KLHL31: variants seen among roughly 807,000 people sequenced by gnomAD.
KLHL31 encodes kelch like family member 31.
In KLHL31, 32 loss-of-function variants were observed where a neutral mutation model predicts 47.1. The observed-to-expected ratio is 0.68, with a 90% CI of 0.51 to 0.91. The LOEUF is 0.91. Ranked by LOEUF, KLHL31 falls within the 40% of genes least tolerant of loss-of-function variation. The pLI, the probability that KLHL31 is intolerant of heterozygous loss-of-function variation, is 0.00. For missense variants in KLHL31, 797 were observed against 819.3 expected (o/e 0.97, Z 0.33); for synonymous variants, 330 against 325.1 (o/e 1.01, Z -0.16).
chr6:53,652,420 C>A, intron 2 of KLHL31, 90 bp from the exon 3 acceptor site: 1 of 1,537,214 alleles, frequency 6.5e-7, no homozygotes. Context: ...AAGCCTGACA[C>A]TACCCCTGCA....
chr6:53,652,380 C>T (rs1218012126), intron 2 of KLHL31, 50 bp from the exon 3 acceptor site: 8 of 1,603,338 alleles, frequency 5.0e-6, no homozygotes, highest in Non-Finnish European at 6.8e-6. Context: ...CAGCTGGGGA[C>T]CCCATGTTAC....
At chr6:53,657,426 T>C (rs1561985693) in intron 1 of KLHL31, among the ~76,000 whole-genome samples, 1 of 152,166 alleles carries the variant, frequency 6.6e-6, no homozygotes, top group Non-Finnish European at 1.5e-5. Context: ...TATTCAACAA[T>C]TTTCTCTTTT....
At chr6:53,660,389 T>C (rs1310280590) in intron 1 of KLHL31, among the ~76,000 whole-genome samples, 1 of 152,172 alleles carries the variant, frequency 6.6e-6, no homozygotes, top group African/African-American at 2.4e-5. Flanking sequence ...CAAACACTTA[T>C]GTATTTATAT....
At chr6:53,655,345 G>A in intron 1 of KLHL31, 40 bp from the exon 2 acceptor site, 2 of 1,079,424 alleles carry the variant, frequency 1.9e-6, no homozygotes, top group Non-Finnish European at 2.6e-6. Context: ...TGTTTTAATT[G>A]TGCTTTAGAC....
intron 2 of KLHL31, among the ~76,000 whole-genome samples, chr6:53,653,506 T>C (rs1764506492): frequency 6.6e-6 from 1 of 152,230 alleles, no homozygotes. Context: ...ATTCCATTTT[T>C]CTGAAGGATG....
chr6:53,653,355 C>T (rs770477941), intron 2 of KLHL31, among the ~76,000 whole-genome samples: 6 of 152,192 alleles, frequency 3.9e-5, no homozygotes, highest in Non-Finnish European at 8.8e-5. Flanking sequence ...TCATGAAATA[C>T]TACACAAATT....
Position 53,651,577 on chromosome 6 carries a change from C to T in KLHL31, c.*21G>A. On this transcript the variant is annotated 3_prime_UTR_variant, in exon 3 of 3. Coordinates refer to ENST00000370905, the MANE Select transcript of KLHL31 (RefSeq NM_001003760.5). ...ACGAATAAATAACGTGTTCTTCCTG[C>T]GTCCCTGCATCTACCTGGGCTCAGA... 1.9e-6 allele frequency: 3 copies of T among 1,592,442 alleles called. No homozygotes were observed. Among genetic ancestry groups the T allele is most frequent in the South Asian group, 2.2e-5 (2 of 89,430 alleles).
Position 53,664,913 on chromosome 6 carries a change from C to T in KLHL31, c.-34+688G>A, listed in dbSNP as rs1033365231. Among the ~76,000 whole-genome samples the T allele has an allele frequency of 3.9e-5, 6 of 152,248 alleles. No homozygotes were observed. The East Asian group carries it at 5.8e-4, about 15-fold the overall frequency. The stretch of plus-strand genomic sequence containing the variant: ...TGGCTTGCCATTTTAAGTCCAACCT[C>T]GGGGTGGGGTGTAGGGGGGTGGTTT... On this transcript the variant is annotated intron_variant, in intron 1 of 2. Transcript: ENST00000370905.
intron 1 of KLHL31, among the ~76,000 whole-genome samples, chr6:53,660,921 T>G (rs181629186): frequency 1.3e-5 from 2 of 152,200 alleles, no homozygotes; most frequent in African/African-American, 4.8e-5. Flanking sequence ...AGAGCTACCA[T>G]GATATCTCAT....
At chr6:53,664,183 T>A (rs1186568798) in intron 1 of KLHL31, among the ~76,000 whole-genome samples, 1 of 152,246 alleles carries the variant, frequency 6.6e-6, no homozygotes, top group Admixed American at 6.5e-5. Flanking sequence ...GATGTCAAGT[T>A]GCATTTGCAT....
Position 53,654,150 on chromosome 6 carries a change from G to T in KLHL31, c.1123C>A (p.Gln375Lys), listed in dbSNP as rs1208644779. 1 of 1,613,258 alleles carries T rather than the reference G, an allele frequency of 6.2e-7. No individual in the cohort carries two copies. Among genetic ancestry groups the T allele is most frequent in the Non-Finnish European group, 8.5e-7 (1 of 1,179,626 alleles). ...GFLYVAGGED[Q>K]NDARNQAKHA... ...TTGGCTTGATTTCTTGCATCATTCT[G>T]GTCTTCACCACCGGCTACATAAAGA... The change falls in exon 2 of 3, where the codon CAG becomes AAG. Residue 375 changes from glutamine (Q) to lysine (K), a missense_variant. Transcript: ENST00000370905.
At position 53,649,739 on chromosome 6, in the gene KLHL31, C is replaced by T. The variant is rs1327139384; in HGVS notation, c.*1859G>A. On this transcript the variant is annotated 3_prime_UTR_variant, in exon 3 of 3. Transcript: ENST00000370905. ...GTAACCCACAATAAAACACCCTTTT[C>T]TCCAAAAATTAACCATATACTATAG... 2.6e-5 allele frequency: 4 copies of T among 152,148 alleles called. No homozygotes were observed. Among genetic ancestry groups the T allele is most frequent in the Admixed American group, 1.3e-4 (2 of 15,278 alleles). 9.4% of individuals were successfully genotyped at this position (152,148 alleles called of 1,614,324 possible).
At chr6:53,658,977 C>T (rs577599120) in intron 1 of KLHL31, among the ~76,000 whole-genome samples, 33 of 152,320 alleles carry the variant, frequency 2.2e-4, no homozygotes, top group Non-Finnish European at 2.5e-4. Context: ...TAGTGCCTGC[C>T]TCTAGGTTTG....
chr6:53,662,191 T>C (rs1386074995), intron 1 of KLHL31, among the ~76,000 whole-genome samples: 1 of 152,004 alleles, frequency 6.6e-6, no homozygotes, highest in African/African-American at 2.4e-5. Context: ...GCTAGGAGAG[T>C]GTGAAGGCCA....
Position 53,649,654 on chromosome 6 carries a change from A to G in KLHL31, c.*1944T>C, listed in dbSNP as rs545176651. 2.6e-5 allele frequency: 4 copies of G among 152,272 alleles called. No homozygotes were observed. Among genetic ancestry groups the G allele is most frequent in the African/African-American group, 7.2e-5 (3 of 41,560 alleles). 9.4% of individuals were successfully genotyped at this position (152,272 alleles called of 1,614,324 possible). ...TTCATACAATACTTCTAAGATGTCA[A>G]TGGGAACACATCTATTGGTGTGCAT... On this transcript the variant is annotated 3_prime_UTR_variant, in exon 3 of 3. Transcript: ENST00000370905.
chr6:53,664,339 G>C (rs931605614), intron 1 of KLHL31, among the ~76,000 whole-genome samples: 12 of 152,144 alleles, frequency 7.9e-5, no homozygotes, highest in Admixed American at 5.9e-4. Context: ...CCTGATCAGG[G>C]CTGGGTATCA....
intron 2 of KLHL31, among the ~76,000 whole-genome samples, chr6:53,653,257 A>T (rs1314999272): frequency 6.6e-6 from 1 of 152,212 alleles, no homozygotes; most frequent in Non-Finnish European, 1.5e-5. Context: ...AATTAAACTC[A>T]ACTATAGTTA....
chr6:53,661,616 T>C lies in KLHL31; in HGVS notation c.-34+3985A>G, dbSNP rs1212176020. Among the ~76,000 whole-genome samples the C allele has an allele frequency of 2.6e-5, 4 of 152,246 alleles. No homozygotes were observed. In the East Asian group the frequency reaches 7.7e-4, roughly 29 times the overall value. The stretch of plus-strand genomic sequence containing the variant: ...GTGCTGGGCTTCAAGGCTGATGGTA[T>C]GGGCTAATAGAAGATGGCTGGAAAA... On this transcript the variant is annotated intron_variant, in intron 1 of 2. Transcript: ENST00000370905.
rs1247134114 is a variant in KLHL31, at chr6:53,650,971, C to G, written c.*627G>C. On this transcript the variant is annotated 3_prime_UTR_variant, in exon 3 of 3. Coordinates refer to ENST00000370905, the MANE Select transcript of KLHL31 (RefSeq NM_001003760.5). ...CACAAAGGTTATCAAATTTAGGGTC[C>G]CTGGGTGGAATCCCTATTCCTTTTC... 6.6e-6 allele frequency: 1 copy of G among 152,024 alleles called. No individual in the cohort carries two copies. Among genetic ancestry groups the G allele is most frequent in the Non-Finnish European group, 1.5e-5 (1 of 68,008 alleles). The allele number at this position is 152,024 out of a possible 1,614,324, so 9.4% of individuals were successfully genotyped here. A position where few individuals can be genotyped will look rare whatever the true frequency, so the allele number is the denominator to read the frequency against.
Sources: gnomAD v4.1 joint callset for allele counts (sites outside exome capture counted in the v4.1 genomes callset) on GRCh38, gnomAD v4.1.1 for gene constraint, MANE v1.5 for transcripts, NCBI Gene and HGNC (gene_info 2026-07-23, HGNC 2026-07-21) for gene names.